DNAH6: variants seen among roughly 807,000 people sequenced by gnomAD.
The protein encoded by DNAH6 is axonemal beta dynein heavy chain 6.
In DNAH6, 340 loss-of-function variants were observed where a neutral mutation model predicts 491.4. That is an observed-to-expected ratio of 0.69 (90% CI 0.63 to 0.76). The LOEUF is 0.76. Among genes scored for constraint, DNAH6 ranks in the 30% least tolerant of loss-of-function variants. DNAH6 has a pLI of 0.00. For missense variants in DNAH6, 4,443 were observed against 4,972.2 expected (o/e 0.89, Z 3.20); for synonymous variants, 1,603 against 1,686.1 (o/e 0.95, Z 1.21).
Position 84,658,374 on chromosome 2 carries a change from G to A in DNAH6, c.5840G>A (p.Cys1947Tyr), listed in dbSNP as rs1443347064. 5.8e-6 allele frequency: 9 copies of A among 1,548,868 alleles called. No homozygotes were observed. In the Admixed American group the frequency reaches 1.4e-4, roughly 24 times the overall value. Residue 1947 changes from cysteine to tyrosine, a missense_variant, in exon 36 of 77, where the codon TGC (cysteine) becomes TAC (tyrosine). By Grantham distance (194) the Cys-to-Tyr change is radical. This residue lies in a region of DNAH6 where 2,977 missense variants were observed against 3,296.6 expected (regional missense o/e 0.90). Coordinates refer to ENST00000389394, the MANE Select transcript of DNAH6 (RefSeq NM_001370.2). Reference protein sequence around the residue: ...DEGLHFINKKCSQAIPQVDIS... With the variant: ...DEGLHFINKKYSQAIPQVDIS... ...GGTTTACATTTTATCAATAAAAAGT[G>A]CAGCCAAGCAATTCCACAAGTGGAC...
At chr2:84,543,345 C>T (rs1678451209) in intron 4 of DNAH6, among the ~76,000 whole-genome samples, 1 of 152,096 alleles carries the variant, frequency 6.6e-6, no homozygotes, top group Admixed American at 6.6e-5. Context: ...CAATTTAAGG[C>T]TTTGTTTTTG....
In DNAH6 at chr2:84,653,692, G is replaced by C. The variant is rs976607846; in HGVS notation, c.5452G>C (p.Ala1818Pro). 11 of 1,551,156 alleles carry C rather than the reference G, an allele frequency of 7.1e-6. No individual in the cohort carries two copies. In the African/African-American group the frequency reaches 1.5e-4, roughly 21 times the overall value. The change falls in exon 34 of 77, where the codon GCA (alanine) becomes CCA (proline). Residue 1818 changes from alanine to proline, a missense_variant. Physicochemically the swap from Ala to Pro is conservative, Grantham distance 27. Transcript: ENST00000389394. Reference protein sequence around the residue: ...LTLEWKDGLMALSVRAAVNDT... With the variant: ...LTLEWKDGLMPLSVRAAVNDT... ...CTTGGAATGGAAAGATGGTTTGATG[G>C]CACTAAGTGTCCGAGCAGCTGTGAA...
At chr2:84,524,123 G>A (rs530666445) in intron 2 of DNAH6, among the ~76,000 whole-genome samples, 1 of 152,044 alleles carries the variant, frequency 6.6e-6, no homozygotes, top group Admixed American at 6.6e-5. Context: ...GTGAATCTGG[G>A]TGCTCCTGTG....
At position 84,671,755 on chromosome 2, in the gene DNAH6, T is replaced by G. The variant is rs370017241; in HGVS notation, c.6455-572T>G. On this transcript the variant is annotated intron_variant, in intron 39 of 76. Coordinates refer to ENST00000389394, the MANE Select transcript of DNAH6 (RefSeq NM_001370.2). The stretch of plus-strand genomic sequence containing the variant: ...ATCCCAACCACAAGGACATGGCTAT[T>G]TGCCCATCGGGTTTCTCTTTCCTCT... Among the ~76,000 whole-genome samples the G allele has an allele frequency of 9.2e-5, 14 of 152,290 alleles. No homozygotes were observed. In the East Asian group the frequency reaches 2.5e-3, roughly 27 times the overall value.
chr2:84,741,042 T>G (rs1573663254), intron 62 of DNAH6, among the ~76,000 whole-genome samples: 1 of 151,932 alleles, frequency 6.6e-6, no homozygotes, highest in African/African-American at 2.4e-5. Context: ...ACCTAGAGAG[T>G]GGGGAGCCCC....
At chr2:84,462,453 C>A in the DNAH6 span, among the ~76,000 whole-genome samples, 1 of 152,222 alleles carries the variant, frequency 6.6e-6, no homozygotes, top group Non-Finnish European at 1.5e-5. Flanking sequence ...CACCTGTCAT[C>A]CAGACTTCCT....
Position 84,707,616 on chromosome 2 carries a change from A to G in DNAH6, c.8948A>G (p.Gln2983Arg). 2 of 1,552,304 alleles carry G rather than the reference A, an allele frequency of 1.3e-6. No homozygotes were observed. The highest frequency in any genetic ancestry group is 1.2e-5 in the South Asian group (1 of 84,062). The change falls in exon 54 of 77, where the codon CAG becomes CGG. Residue 2983 changes from glutamine (Q) to arginine (R), a missense_variant. Physicochemically the swap from Gln to Arg is conservative, Grantham distance 43. This residue lies in a region of DNAH6 where 1,463 missense variants were observed against 1,656.6 expected (regional missense o/e 0.88). Transcript: ENST00000389394. The part of the protein sequence containing the change: ...DEQVRWEESI[Q>R]KFEEEISNIT... ...CAGGTTCGATGGGAAGAAAGCATAC[A>G]GAAGTTTGAGGAAGAAATATCAAAT...
rs753124833 is a variant in DNAH6, at chr2:84,573,478, G to T, written c.1815G>T (p.Gln605His). ...TIISQIKETI[Q>H]AAFESARIYA... ...TTTATAACATTTAGGAAACCATTCA[G>T]GCCGCATTTGAATCAGCCCGCATCT... Residue 605 changes from glutamine (Q) to histidine (H), a missense_variant, in exon 12 of 77, where the codon CAG becomes CAT. By Grantham distance (24) the Gln-to-His change is conservative (BLOSUM62 0). Transcript: ENST00000389394. 6.3e-7 allele frequency: 1 copy of T among 1,581,174 alleles called. No homozygotes were observed. Among genetic ancestry groups the T allele is most frequent in the South Asian group, 1.2e-5 (1 of 84,122 alleles).
At chr2:84,650,976 G>C (rs1189269257) in intron 33 of DNAH6, among the ~76,000 whole-genome samples, 1 of 152,154 alleles carries the variant, frequency 6.6e-6, no homozygotes, top group African/African-American at 2.4e-5. Flanking sequence ...CTGCCAGGTG[G>C]GGATAGAATT....
chr2:84,589,133 A>C (rs904156295), intron 16 of DNAH6, among the ~76,000 whole-genome samples, 179 bp downstream of exon 16: 2 of 152,262 alleles, frequency 1.3e-5, no homozygotes, highest in Admixed American at 1.3e-4. Flanking sequence ...CGAAGTGTTT[A>C]AAGACTAACA....
At chr2:84,745,343 A>G in intron 63 of DNAH6, 94 bp downstream of exon 63, 1 of 1,022,850 alleles carries the variant, frequency 9.8e-7, no homozygotes, top group Non-Finnish European at 1.3e-6. Flanking sequence ...TGAGAGTAAC[A>G]ATGGCCAAGT....
chr2:84,722,926 C>A, intron 60 of DNAH6, 122 bp downstream of exon 60: 1 of 646,406 alleles, frequency 1.5e-6, no homozygotes, highest in Non-Finnish European at 2.5e-6. Flanking sequence ...CAGGTGCATG[C>A]AAGGTTCAAG....
intron 11 of DNAH6, among the ~76,000 whole-genome samples, chr2:84,572,221 C>T (rs532123716): frequency 6.6e-5 from 10 of 152,164 alleles, no homozygotes; most frequent in Non-Finnish European, 1.2e-4. Context: ...CCAAATGGTT[C>T]AGAGTATAAT....
At chr2:84,534,686 C>G (rs1328372975) in intron 4 of DNAH6, among the ~76,000 whole-genome samples, 1 of 151,730 alleles carries the variant, frequency 6.6e-6, no homozygotes, top group Non-Finnish European at 1.5e-5. Flanking sequence ...TTTTTCTATC[C>G]CTTCTTTCCT....
intron 42 of DNAH6, among the ~76,000 whole-genome samples, chr2:84,682,074 G>A (rs1693835810): frequency 6.6e-6 from 1 of 152,088 alleles, no homozygotes; most frequent in East Asian, 1.9e-4. Flanking sequence ...TTTCTAGAAA[G>A]ACCTCTTAAA....
chr2:84,813,067 A>T lies in DNAH6; in HGVS notation c.11935A>T (p.Lys3979Ter). 1 of 1,551,388 alleles carries T rather than the reference A, an allele frequency of 6.4e-7. No individual in the cohort carries two copies. Among genetic ancestry groups the T allele is most frequent in the East Asian group, 2.4e-5 (1 of 40,922 alleles). The change falls in exon 74 of 77, where the codon AAA becomes TAA. Residue 3979 changes from lysine (K) to a stop codon, truncating the protein, a stop_gained. Transcript: ENST00000389394. LOFTEE classifies it high-confidence loss of function. ...LRTSFVDLWL[K>*]RGQPKSYWIS... The stretch of plus-strand genomic sequence containing the variant: ...TATGTTTCTCCTTCAGCTGTGGCTC[A>T]AAAGAGGACAGCCTAAGTCCTACTG...
the DNAH6 span, among the ~76,000 whole-genome samples, chr2:84,467,531 G>A: frequency 2.0e-5 from 3 of 151,912 alleles, no homozygotes; most frequent in East Asian, 1.9e-4. Context: ...TCCCAAGGCC[G>A]TACCTTACTT....
At position 84,566,623 on chromosome 2, in the gene DNAH6, A is replaced by G. The variant is rs564655136; in HGVS notation, c.1804-6844A>G. 5.9e-5 allele frequency among the ~76,000 whole-genome samples: 9 copies of G among 152,194 alleles called. No homozygotes were observed. In the South Asian group the frequency reaches 1.9e-3, roughly 31 times the overall value. On this transcript the variant is annotated intron_variant, in intron 11 of 76. Transcript: ENST00000389394. The stretch of plus-strand genomic sequence containing the variant: ...CTCTAGGTTAATTTATAATTTTAAC[A>G]CATGCCTATGAAAATACTGACAAGT...
intron 11 of DNAH6, among the ~76,000 whole-genome samples, chr2:84,559,717 A>G (rs899576995): frequency 4.3e-4 from 66 of 152,326 alleles, no homozygotes; most frequent in African/African-American, 1.6e-3. Context: ...AACTACATGC[A>G]AGTCTACTAA....
Sources: gnomAD v4.1 joint callset for allele counts (sites outside exome capture counted in the v4.1 genomes callset) on GRCh38, gnomAD v4.1.1 for gene constraint, gnomAD v4.1.1 regional missense constraint, MANE v1.5 for transcripts, NCBI Gene and HGNC (gene_info 2026-07-23, HGNC 2026-07-21) for gene names.